Variants in INPP4B observed in about 807,000 individuals in gnomAD.
INPP4B encodes inositol polyphosphate-4-phosphatase type II B.
A neutral mutation model predicts 122.5 loss-of-function variants in INPP4B; 55 were observed. That is an observed-to-expected ratio of 0.45 (90% confidence interval 0.36 to 0.56). The LOEUF (loss-of-function observed/expected upper bound fraction) is 0.56. Ranked by LOEUF, INPP4B falls within the 20% of genes least tolerant of loss-of-function variation. The probability of loss-of-function intolerance (pLI) is 0.00; values close to 1 mark genes in which losing one functional copy is unlikely to be tolerated. For synonymous variants in INPP4B, 403 were observed against 388.7 expected, an observed-to-expected ratio of 1.04 and a Z score of -0.43; for missense variants, 1,000 against 1,097.7, an observed-to-expected ratio of 0.91 and a Z score of 1.26.
intron 11 of INPP4B, among the ~76,000 whole-genome samples, chr4:142,255,041 G>A (rs1409488733): frequency 6.6e-6 from 1 of 152,008 alleles, no homozygotes; most frequent in African/African-American, 2.4e-5. Flanking sequence ...GAGAGTGGGG[G>A]CCAATATTCA....
chr4:142,806,278 C>CAAAAA lies in INPP4B; in HGVS notation c.-254+39926_-254+39930dup, dbSNP rs1175185594. Among the ~76,000 whole-genome samples, 7 of 53,594 alleles carry CAAAAA rather than the reference C, an allele frequency of 1.3e-4. 1 individual carries two copies. The highest frequency in any genetic ancestry group is 5.1e-4 in the African/African-American group (7 of 13,764). 35.2% of individuals were successfully genotyped at this position (53,594 alleles called of 152,430 possible). ...TGGGAGAACGAGTGAGACTCCGTCT[C>CAAAAA]AAAAAAAAAAAAAAAAAAAAAAAAA... On this transcript the variant is annotated intron_variant, in intron 1 of 25. Transcript: ENST00000262992.
chr4:142,633,015 C>T (rs1748322210), intron 2 of INPP4B, among the ~76,000 whole-genome samples: 1 of 151,474 alleles, frequency 6.6e-6, no homozygotes, highest in Non-Finnish European at 1.5e-5. Context: ...AACATGTAAA[C>T]TATATGGACA....
intron 2 of INPP4B, among the ~76,000 whole-genome samples, chr4:142,676,158 T>C (rs949212013): frequency 5.3e-5 from 8 of 152,116 alleles, no homozygotes; most frequent in Non-Finnish European, 1.2e-4. Context: ...AGTCTCAGGA[T>C]ACAAAATGAA....
chr4:142,300,515 T>C (rs1760956765), intron 9 of INPP4B, among the ~76,000 whole-genome samples: 1 of 152,122 alleles, frequency 6.6e-6, no homozygotes, highest in Admixed American at 6.6e-5. Flanking sequence ...AATTTGGATC[T>C]TACATCTCTA....
At chr4:142,490,135 G>A (rs1267756094) in intron 2 of INPP4B, among the ~76,000 whole-genome samples, 2 of 151,690 alleles carry the variant, frequency 1.3e-5, no homozygotes, top group African/African-American at 2.4e-5. Context: ...TGGCATGCAG[G>A]AGCACAAACA....
intron 25 of INPP4B, among the ~76,000 whole-genome samples, chr4:142,052,639 G>A (rs1755291935): frequency 6.6e-6 from 1 of 151,026 alleles, no homozygotes; most frequent in Admixed American, 6.6e-5. Flanking sequence ...TTTCCCATTT[G>A]GGCATTAAAA....
At chr4:142,489,995 T>C (rs906182970) in intron 2 of INPP4B, among the ~76,000 whole-genome samples, 1 of 152,176 alleles carries the variant, frequency 6.6e-6, no homozygotes, top group Non-Finnish European at 1.5e-5. Flanking sequence ...TCAAGGTATA[T>C]AGATCTCTTT....
chr4:142,829,244 T>C (rs1781807070), intron 1 of INPP4B, among the ~76,000 whole-genome samples: 1 of 152,212 alleles, frequency 6.6e-6, no homozygotes, highest in East Asian at 1.9e-4. Context: ...TCCACCATGC[T>C]CTTTGCCATC....
intron 9 of INPP4B, among the ~76,000 whole-genome samples, chr4:142,290,066 G>A (rs538587498): frequency 1.3e-5 from 2 of 152,050 alleles, no homozygotes; most frequent in South Asian, 2.1e-4. Context: ...CATAAGTCAG[G>A]TCACTCTTCT....
chr4:142,038,184 T>C (rs2152313862), intron 25 of INPP4B, among the ~76,000 whole-genome samples: 1 of 152,278 alleles, frequency 6.6e-6, no homozygotes, highest in South Asian at 2.1e-4. Flanking sequence ...TTCAGGACTT[T>C]TCAAAAACTG....
intron 10 of INPP4B, among the ~76,000 whole-genome samples, chr4:142,262,819 C>T (rs989166059): frequency 6.6e-6 from 1 of 152,110 alleles, no homozygotes; most frequent in African/African-American, 2.4e-5. Flanking sequence ...CCTTCTGAGA[C>T]TGGTCACTAG....
chr4:142,152,750 A>C (rs1814944633), intron 17 of INPP4B, among the ~76,000 whole-genome samples: 1 of 152,134 alleles, frequency 6.6e-6, no homozygotes, highest in Non-Finnish European at 1.5e-5. Context: ...GTCTGCCACC[A>C]CACTTGGCTT....
chr4:142,545,735 A>ACG (rs1829506084), intron 2 of INPP4B, among the ~76,000 whole-genome samples: 7 of 80,246 alleles, frequency 8.7e-5, no homozygotes, highest in African/African-American at 4.0e-4. Context: ...GTATATACAC[A>ACG]TATATGTGTA....
intron 1 of INPP4B, among the ~76,000 whole-genome samples, chr4:142,765,471 A>C (rs529198960): frequency 6.6e-6 from 1 of 152,200 alleles, no homozygotes; most frequent in Non-Finnish European, 1.5e-5. Context: ...CTTTGACTGC[A>C]TTTAGAGGAA....
At chr4:142,294,921 G>A (rs563029586) in intron 9 of INPP4B, among the ~76,000 whole-genome samples, 3 of 149,642 alleles carry the variant, frequency 2.0e-5, no homozygotes, top group Non-Finnish European at 3.0e-5. Context: ...ATGTGCAGAT[G>A]TTCATGTTCA....
intron 2 of INPP4B, among the ~76,000 whole-genome samples, chr4:142,712,694 A>G (rs1438466926): frequency 6.6e-6 from 1 of 152,196 alleles, no homozygotes; most frequent in Non-Finnish European, 1.5e-5. Context: ...CATATTTGTT[A>G]CCATATAAAT....
At chr4:142,640,415 A>G (rs1390684470) in intron 2 of INPP4B, among the ~76,000 whole-genome samples, 2 of 152,158 alleles carry the variant, frequency 1.3e-5, no homozygotes, top group Admixed American at 6.6e-5. Context: ...GAGGAAGTTG[A>G]CACTGTAGAG....
chr4:142,367,477 A>G (rs1463667065), intron 7 of INPP4B, among the ~76,000 whole-genome samples: 1 of 151,972 alleles, frequency 6.6e-6, no homozygotes, highest in Non-Finnish European at 1.5e-5. Flanking sequence ...ATACTTCTTT[A>G]TTAATATGTT....
chr4:142,355,875 A>T (rs1393788623), intron 7 of INPP4B, among the ~76,000 whole-genome samples: 5 of 149,852 alleles, frequency 3.3e-5, no homozygotes, highest in African/African-American at 1.2e-4. Context: ...TTTTTTTTTT[A>T]ACATAAGGAT....
Sources: allele counts gnomAD v4.1 joint callset (sites outside exome capture counted in the v4.1 genomes callset), GRCh38; gene constraint gnomAD v4.1.1; transcripts MANE v1.5; gene names NCBI Gene and HGNC (gene_info 2026-07-23, HGNC 2026-07-21).